Variants in THSD7B observed in about 807,000 individuals in gnomAD.
THSD7B encodes thrombospondin type-1 domain-containing protein 7B.
THSD7B carries 138 observed loss-of-function variants against 213.6 expected under a neutral mutation model. That is an observed-to-expected ratio of 0.65 (90% CI 0.56 to 0.74). The LOEUF (loss-of-function observed/expected upper bound fraction) is 0.74. Among genes scored for constraint, THSD7B ranks in the 30% least tolerant of loss-of-function variants. THSD7B has a pLI of 0.00. For synonymous variants in THSD7B, 742 were observed against 687.0 expected (o/e 1.08, Z -1.25); for missense variants, 1,931 against 1,991.5 (o/e 0.97, Z 0.58).
intron 12 of THSD7B, among the ~76,000 whole-genome samples, chr2:137,373,605 C>G (rs961788403): frequency 3.2e-4 from 48 of 152,092 alleles, no homozygotes; most frequent in African/African-American, 6.7e-4. Context: ...TTAGCCCTTT[C>G]TCAGATGAGT....
chr2:137,069,810 T>C (rs1687446800), intron 3 of THSD7B, among the ~76,000 whole-genome samples: 1 of 151,406 alleles, frequency 6.6e-6, no homozygotes, highest in Admixed American at 6.6e-5. Flanking sequence ...TAGAAATGTA[T>C]ATATTTATAT....
chr2:137,358,103 C>G (rs59311976), intron 12 of THSD7B, among the ~76,000 whole-genome samples: 1 of 152,156 alleles, frequency 6.6e-6, no homozygotes, highest in Non-Finnish European at 1.5e-5. Flanking sequence ...AGGCACCAAA[C>G]TTGACATGCT....
intron 17 of THSD7B, among the ~76,000 whole-genome samples, chr2:137,612,285 G>C (rs1481655131): frequency 6.6e-6 from 1 of 152,130 alleles, no homozygotes; most frequent in Non-Finnish European, 1.5e-5. Context: ...TTCCAGCTGT[G>C]GAAAGGGTAA....
chr2:137,368,200 G>A (rs919362697), intron 12 of THSD7B, among the ~76,000 whole-genome samples: 4 of 152,030 alleles, frequency 2.6e-5, no homozygotes, highest in African/African-American at 9.7e-5. Context: ...AGAAATTAAA[G>A]AGGGATGGAC....
chr2:137,139,192 T>C (rs147274864), intron 5 of THSD7B, among the ~76,000 whole-genome samples: 2 of 152,326 alleles, frequency 1.3e-5, no homozygotes, highest in African/African-American at 2.4e-5. Context: ...TGTGTTAATA[T>C]GCAGCCTCTA....
intron 15 of THSD7B, among the ~76,000 whole-genome samples, chr2:137,512,382 CTTTT>C (rs70978233): frequency 2.5e-5 from 2 of 81,380 alleles, no homozygotes; most frequent in African/African-American, 1.3e-4. Context: ...CATTTATTTC[CTTTT>C]TTTTTTTTTT....
chr2:137,005,103 A>G (rs1686078534), intron 2 of THSD7B, among the ~76,000 whole-genome samples: 1 of 152,226 alleles, frequency 6.6e-6, no homozygotes, highest in African/African-American at 2.4e-5. Flanking sequence ...ATGTAGCAGA[A>G]GAGAGTCTAT....
chr2:137,383,275 A>T (rs560985640), intron 12 of THSD7B, among the ~76,000 whole-genome samples: 1 of 152,198 alleles, frequency 6.6e-6, no homozygotes, highest in East Asian at 1.9e-4. Flanking sequence ...ATAAAGCAAC[A>T]TTGGGGTAAC....
At chr2:137,293,434 G>A (rs770693185) in intron 12 of THSD7B, among the ~76,000 whole-genome samples, 1 of 151,950 alleles carries the variant, frequency 6.6e-6, no homozygotes. Context: ...CCACCATGCT[G>A]GGTCATAGAT....
intron 21 of THSD7B, among the ~76,000 whole-genome samples, chr2:137,645,541 C>A (rs1016538104): frequency 4.6e-5 from 7 of 151,984 alleles, no homozygotes; most frequent in Non-Finnish European, 8.8e-5. Flanking sequence ...AAGGTATAAG[C>A]GATTAAGGTT....
chr2:137,304,570 A>T (rs1400793961), intron 12 of THSD7B, among the ~76,000 whole-genome samples: 1 of 152,158 alleles, frequency 6.6e-6, no homozygotes, highest in African/African-American at 2.4e-5. Context: ...TAAATTAAAT[A>T]AAAGTTACAA....
At chr2:136,890,324 T>TCTCCTTCTCCTTCTC (rs1558839816) in intron 2 of THSD7B, among the ~76,000 whole-genome samples, 5 of 4,386 alleles carry the variant, frequency 1.1e-3, no homozygotes, top group African/African-American at 3.0e-3. Flanking sequence ...TTCTTCTTCT[T>TCTCCTTCTCCTTCTC]CTTCTTCTTC....
chr2:137,527,817 A>ACAG (rs941709808), intron 15 of THSD7B, among the ~76,000 whole-genome samples: 2 of 152,132 alleles, frequency 1.3e-5, no homozygotes, highest in African/African-American at 4.8e-5. Flanking sequence ...GGATATTAGG[A>ACAG]CAGCACTCTG....
At chr2:136,942,768 T>G (rs1001621411) in intron 2 of THSD7B, among the ~76,000 whole-genome samples, 2 of 152,212 alleles carry the variant, frequency 1.3e-5, no homozygotes, top group African/African-American at 4.8e-5. Flanking sequence ...GATGGGGTTT[T>G]CTAAATGTAC....
At chr2:136,938,438 A>G (rs2105056882) in intron 2 of THSD7B, among the ~76,000 whole-genome samples, 1 of 152,274 alleles carries the variant, frequency 6.6e-6, no homozygotes, top group South Asian at 2.1e-4. Context: ...CTTTGAAAAC[A>G]CTAAAATCTT....
chr2:137,312,694 C>G (rs1260573982), intron 12 of THSD7B, among the ~76,000 whole-genome samples: 1 of 146,414 alleles, frequency 6.8e-6, no homozygotes, highest in Admixed American at 6.8e-5. Context: ...CCCAGAGATT[C>G]TGGTATGTTG....
At chr2:136,784,386 A>G (rs1290150542) in intron 1 of THSD7B, among the ~76,000 whole-genome samples, 4 of 152,146 alleles carry the variant, frequency 2.6e-5, no homozygotes, top group African/African-American at 4.8e-5. Flanking sequence ...GCTCTCTGAT[A>G]CAGAAATGGC....
At chr2:137,307,656 A>G (rs1051698874) in intron 12 of THSD7B, among the ~76,000 whole-genome samples, 1 of 152,136 alleles carries the variant, frequency 6.6e-6, no homozygotes, top group African/African-American at 2.4e-5. Context: ...GAAACCAAAC[A>G]TATTTTTATG....
intron 3 of THSD7B, among the ~76,000 whole-genome samples, chr2:137,058,544 CAT>C (rs778054446): frequency 9.9e-5 from 15 of 152,200 alleles, no homozygotes; most frequent in South Asian, 6.2e-4. Context: ...CTGTCTCCAA[CAT>C]ATAGTTTTTT....
Sources: allele counts gnomAD v4.1 joint callset (sites outside exome capture counted in the v4.1 genomes callset), GRCh38; gene constraint gnomAD v4.1.1; transcripts MANE v1.5; gene names NCBI Gene and HGNC (gene_info 2026-07-23, HGNC 2026-07-21).